DSCAM: variants seen among roughly 807,000 people sequenced by gnomAD.
The protein encoded by DSCAM is cell adhesion molecule DSCAM.
DSCAM carries 47 observed loss-of-function variants against 217.7 expected under a neutral mutation model. The observed-to-expected ratio is 0.22, with a 90% confidence interval of 0.17 to 0.28. The LOEUF is 0.28. Ranked by LOEUF, DSCAM falls within the 10% of genes least tolerant of loss-of-function variation. The pLI is 1.00. For missense variants in DSCAM, 2,080 were observed against 2,618.3 expected, an observed-to-expected ratio of 0.79 and a Z score of 4.49; for synonymous variants, 1,056 against 1,015.3, an observed-to-expected ratio of 1.04 and a Z score of -0.76.
intron 3 of DSCAM, among the ~76,000 whole-genome samples, chr21:40,543,656 T>A (rs1178144430): frequency 6.6e-6 from 1 of 152,086 alleles, no homozygotes; most frequent in African/African-American, 2.4e-5. Context: ...TGAGGAAGCC[T>A]CCAAACCCTG....
At chr21:40,231,129 T>C (rs1361022699) in intron 11 of DSCAM, among the ~76,000 whole-genome samples, 1 of 151,760 alleles carries the variant, frequency 6.6e-6, no homozygotes, top group Non-Finnish European at 1.5e-5. Context: ...AAGAGGTTTT[T>C]TTTTTTTTTT....
intron 11 of DSCAM, among the ~76,000 whole-genome samples, chr21:40,251,801 C>T (rs1250990391): frequency 6.6e-6 from 1 of 152,160 alleles, no homozygotes; most frequent in Non-Finnish European, 1.5e-5. Context: ...TTATAACTTC[C>T]ATCTTTCAAC....
At chr21:40,827,892 A>G (rs1466838389) in intron 1 of DSCAM, among the ~76,000 whole-genome samples, 1 of 152,216 alleles carries the variant, frequency 6.6e-6, no homozygotes, top group Non-Finnish European at 1.5e-5. Context: ...TGAAAAACTG[A>G]TCTTTCAGCA....
At chr21:40,429,744 A>G (rs559658002) in intron 3 of DSCAM, among the ~76,000 whole-genome samples, 2 of 152,356 alleles carry the variant, frequency 1.3e-5, no homozygotes, top group Admixed American at 1.3e-4. Context: ...TGCCTGGCAC[A>G]CAGTAAGTAC....
At chr21:40,780,441 A>ATATATC (rs2123424557) in intron 1 of DSCAM, among the ~76,000 whole-genome samples, 1 of 141,364 alleles carries the variant, frequency 7.1e-6, no homozygotes, top group South Asian at 2.2e-4. Flanking sequence ...ATATATATAT[A>ATATATC]TATATATCTC....
At chr21:40,733,236 C>T (rs2091030589) in intron 1 of DSCAM, among the ~76,000 whole-genome samples, 2 of 152,120 alleles carry the variant, frequency 1.3e-5, no homozygotes, top group Admixed American at 6.5e-5. Context: ...GAGGTATGAA[C>T]CAGGAGCTTG....
At position 40,646,410 on chromosome 21, in the gene DSCAM, CAAAAAA is replaced by C. The variant is rs112111569; in HGVS notation, c.508+46394_508+46399del. On this transcript the variant is annotated intron_variant, in intron 3 of 32. Coordinates refer to ENST00000400454, the MANE Select transcript of DSCAM (RefSeq NM_001389.5). ...TGGGCAACAGAGTGAGAGACTCTGT[CAAAAAA>C]AAAAAAAAAAAAGGGGGGCTGTTCA... Among the ~76,000 whole-genome samples, 991 of 129,120 alleles carry C rather than the reference CAAAAAA, an allele frequency of 7.7e-3. 14 individuals are homozygous for C. Among genetic ancestry groups the C allele is most frequent in the African/African-American group, 0.027 (916 of 33,418 alleles). 84.7% of individuals were successfully genotyped at this position (129,120 alleles called of 152,430 possible).
rs146834930 is a variant in DSCAM, at chr21:40,588,208, CACTT to C, written c.508+104598_508+104601del. Reference sequence around the variant, plus strand: ...GATCTACCTGACTCCAAAGAACACTCACTTACAATTGCATTACCTACCCCTCTGA... The same window carrying C: ...GATCTACCTGACTCCAAAGAACACTCACAATTGCATTACCTACCCCTCTGA... On this transcript the variant is annotated intron_variant, in intron 3 of 32. Coordinates refer to ENST00000400454, the MANE Select transcript of DSCAM (RefSeq NM_001389.5). Among the ~76,000 whole-genome samples, 441 of 152,276 alleles carry C rather than the reference CACTT, an allele frequency of 2.9e-3. 2 individuals are homozygous for C. Among genetic ancestry groups the C allele is most frequent in the African/African-American group, 0.01 (428 of 41,556 alleles).
chr21:40,676,788 T>G (rs1568978404), intron 3 of DSCAM, among the ~76,000 whole-genome samples: 1 of 152,206 alleles, frequency 6.6e-6, no homozygotes, highest in South Asian at 2.1e-4. Context: ...TGGTAAGCAT[T>G]TGGCAATACA....
chr21:40,533,628 ACCCT>A (rs2076470807), intron 3 of DSCAM, among the ~76,000 whole-genome samples: 26 of 110,628 alleles, frequency 2.4e-4, no homozygotes, highest in South Asian at 6.0e-4. Context: ...CATCCATCCA[ACCCT>A]CCATCCATCT....
intron 11 of DSCAM, among the ~76,000 whole-genome samples, chr21:40,249,358 C>A (rs1051058503): frequency 1.3e-5 from 2 of 152,104 alleles, no homozygotes; most frequent in African/African-American, 4.8e-5. Context: ...CTCATGAGAT[C>A]TGATGGTTTT....
chr21:40,039,570 A>T (rs2088704461), intron 32 of DSCAM, among the ~76,000 whole-genome samples: 1 of 152,136 alleles, frequency 6.6e-6, no homozygotes, highest in Non-Finnish European at 1.5e-5. Flanking sequence ...ATATATATTT[A>T]TGTATAGAGA....
intron 20 of DSCAM, among the ~76,000 whole-genome samples, chr21:40,095,242 C>T (rs1166982467): frequency 6.6e-6 from 1 of 152,128 alleles, no homozygotes; most frequent in African/African-American, 2.4e-5. Flanking sequence ...AAACTGCCCT[C>T]ATGATTCAAT....
intron 3 of DSCAM, among the ~76,000 whole-genome samples, chr21:40,603,925 C>CTTTTT (rs3070814): frequency 1.7e-3 from 168 of 97,250 alleles, no homozygotes; most frequent in Middle Eastern, 7.8e-3. Context: ...TTTTGCATTT[C>CTTTTT]TTTTTTTTTT....
chr21:40,570,799 A>G (rs1484348505), intron 3 of DSCAM, among the ~76,000 whole-genome samples: 6 of 152,240 alleles, frequency 3.9e-5, no homozygotes, highest in Non-Finnish European at 8.8e-5. Context: ...AAAGAATCAA[A>G]GGCAGGCCAA....
intron 8 of DSCAM, among the ~76,000 whole-genome samples, chr21:40,325,271 G>A (rs1204442813): frequency 6.6e-6 from 1 of 152,142 alleles, no homozygotes; most frequent in African/African-American, 2.4e-5. Flanking sequence ...TTGGTAGATG[G>A]AGAGGAGAAG....
rs760858135 is a variant in DSCAM at position 40,369,086 on chromosome 21, G to C, written c.655+13C>G. 3.1e-6 allele frequency: 5 copies of C among 1,597,238 alleles called. No homozygotes were observed. The African/African-American group carries it at 6.7e-5, about 21-fold the overall frequency. ...TAGCAGACATAGCAGACAGAGTCTT[G>C]ATAAGTTTTTACCTGATACAAAAAG... On this transcript the variant is annotated intron_variant, in intron 4 of 32. Transcript: ENST00000400454.
intron 3 of DSCAM, among the ~76,000 whole-genome samples, chr21:40,426,447 T>C (rs2075476008): frequency 6.6e-6 from 1 of 152,218 alleles, no homozygotes; most frequent in South Asian, 2.1e-4. Context: ...ACGGCATCTA[T>C]GTGTCTATAC....
rs557272764 is a variant in DSCAM at position 40,515,273 on chromosome 21, GA to G, written c.509-146029del. The stretch of plus-strand genomic sequence containing the variant: ...ATAGACTACATTAACTTATTGTTTT[GA>G]AAAAAATATATAAACGAAGGAACAG... On this transcript the variant is annotated intron_variant, in intron 3 of 32. Coordinates refer to ENST00000400454, the MANE Select transcript of DSCAM (RefSeq NM_001389.5). Among the ~76,000 whole-genome samples the G allele has an allele frequency of 4.3e-4, 66 of 152,066 alleles. 1 individual carries two copies. The highest frequency in any genetic ancestry group is 1.3e-3 in the African/African-American group (52 of 41,514).
Sources: allele counts gnomAD v4.1 joint callset (sites outside exome capture counted in the v4.1 genomes callset), GRCh38; gene constraint gnomAD v4.1.1; transcripts MANE v1.5; gene names NCBI Gene and HGNC (gene_info 2026-07-23, HGNC 2026-07-21).